The following RSL24D1 variants were observed in gnomAD, a reference collection of about 807,000 sequenced individuals.
RSL24D1 encodes ribosomal L24 domain containing 1.
RSL24D1 carries 6 observed loss-of-function variants against 26.2 expected under a neutral mutation model. The observed-to-expected ratio is 0.23, with a 90% confidence interval of 0.13 to 0.45. The LOEUF (loss-of-function observed/expected upper bound fraction) is 0.45. Among genes scored for constraint, RSL24D1 ranks in the 20% least tolerant of loss-of-function variants. The pLI is 0.99. For missense variants in RSL24D1, 176 were observed against 202.6 expected, an observed-to-expected ratio of 0.87 and a Z score of 0.80; for synonymous variants, 61 against 59.1, an observed-to-expected ratio of 1.03 and a Z score of -0.15.
At chr15:55,189,485 A>G (rs961816583) in intron 3 of RSL24D1, among the ~76,000 whole-genome samples, 3 of 152,206 alleles carry the variant, frequency 2.0e-5, no homozygotes, top group African/African-American at 7.2e-5. Context: ...GGCAATTCCA[A>G]ATCTAAACTC....
chr15:55,182,784 C>T (rs1277723562), intron 5 of RSL24D1, among the ~76,000 whole-genome samples: 1 of 152,126 alleles, frequency 6.6e-6, no homozygotes, highest in Non-Finnish European at 1.5e-5. Flanking sequence ...CAGAATTTGA[C>T]CTTTACTAAG....
intron 4 of RSL24D1, 85 bp downstream of exon 4, chr15:55,185,276 TA>T (rs201057968): frequency 4.9e-6 from 5 of 1,012,156 alleles, no homozygotes; most frequent in Non-Finnish European, 5.7e-6. Flanking sequence ...TATGTCAAAA[TA>T]AAAAATTTTT....
At chr15:55,183,574 C>G (rs1894193120) in intron 4 of RSL24D1, among the ~76,000 whole-genome samples, 174 bp from the exon 5 acceptor site, 1 of 152,166 alleles carries the variant, frequency 6.6e-6, no homozygotes, top group Non-Finnish European at 1.5e-5. Context: ...CAACGCCCCC[C>G]ATCCAGCAGG....
At chr15:55,196,020 G>A (rs1465200362) in intron 1 of RSL24D1, among the ~76,000 whole-genome samples, 1 of 152,172 alleles carries the variant, frequency 6.6e-6, no homozygotes, top group African/African-American at 2.4e-5. Context: ...GAAACAATGT[G>A]TTTCTCTGAG....
intron 1 of RSL24D1, among the ~76,000 whole-genome samples, chr15:55,196,077 T>G (rs1209313378): frequency 1.3e-5 from 2 of 152,218 alleles, no homozygotes; most frequent in East Asian, 3.9e-4. Context: ...CAAATTCATG[T>G]ACCATTCAAA....
At chr15:55,187,581 A>T (rs574131306) in intron 3 of RSL24D1, among the ~76,000 whole-genome samples, 3 of 152,194 alleles carry the variant, frequency 2.0e-5, no homozygotes, top group Non-Finnish European at 4.4e-5. Flanking sequence ...GGAATGAAAT[A>T]ATGTCTTTTA....
rs1894165909 is a variant in RSL24D1 at position 55,181,484 on chromosome 15, G to A, written c.*668C>T. 1 of 152,574 alleles carries A rather than the reference G, an allele frequency of 6.6e-6. No homozygotes were observed. The highest frequency in any genetic ancestry group is 1.5e-5 in the Non-Finnish European group (1 of 68,040). The allele number at this position is 152,574 out of a possible 1,614,324, so 9.5% of individuals were successfully genotyped here. On this transcript the variant is annotated 3_prime_UTR_variant, in exon 6 of 6. Transcript: ENST00000260443. ...ATGCTGGGCTAGAAAAGTAAAGTCT[G>A]TTCTATCAGGAATCACAAGTTGGAA...
At chr15:55,185,335 A>C in intron 4 of RSL24D1, 27 bp downstream of exon 4, 2 of 1,543,472 alleles carry the variant, frequency 1.3e-6, no homozygotes, top group Non-Finnish European at 1.7e-6. Flanking sequence ...TTATTTTCCA[A>C]AAGTTACTCC....
intron 5 of RSL24D1, 46 bp from the exon 6 acceptor site, chr15:55,182,271 C>T: frequency 8.3e-7 from 1 of 1,206,416 alleles, no homozygotes; most frequent in South Asian, 1.2e-5. Context: ...TTAAATGTGA[C>T]CTTACAGAAT....
intron 1 of RSL24D1, among the ~76,000 whole-genome samples, chr15:55,195,793 G>C (rs1288475466): frequency 2.0e-5 from 3 of 152,066 alleles, no homozygotes; most frequent in Non-Finnish European, 4.4e-5. Flanking sequence ...GAATCCCTTG[G>C]ATCTAATTAA....
chr15:55,195,621 A>G (rs890986600), intron 1 of RSL24D1: 5 of 152,242 alleles, frequency 3.3e-5, no homozygotes, highest in Admixed American at 6.5e-5. Context: ...TCGTAACGAC[A>G]TCATGTATAA....
intron 3 of RSL24D1, among the ~76,000 whole-genome samples, chr15:55,188,070 T>C (rs1376039938): frequency 6.6e-6 from 1 of 152,234 alleles, no homozygotes; most frequent in Non-Finnish European, 1.5e-5. Context: ...CATCAGTACC[T>C]TAACAAAGGT....
At chr15:55,191,865 C>T (rs189363484) in intron 2 of RSL24D1, among the ~76,000 whole-genome samples, 224 of 152,286 alleles carry the variant, frequency 1.5e-3, no homozygotes, top group African/African-American at 5.1e-3. Context: ...TGACTGTGAC[C>T]GGCAGTGTTT....
At chr15:55,184,283 A>G (rs967287683) in intron 4 of RSL24D1, among the ~76,000 whole-genome samples, 2 of 152,236 alleles carry the variant, frequency 1.3e-5, no homozygotes, top group African/African-American at 4.8e-5. Context: ...TCAAAATGAC[A>G]TGACAGTCTG....
At chr15:55,196,221 C>T (rs1030978830) in intron 1 of RSL24D1, 38 of 420,700 alleles carry the variant, frequency 9.0e-5, no homozygotes, top group African/African-American at 7.6e-4. Flanking sequence ...GCTCCGTTCT[C>T]TGCCTTTTCT....
chr15:55,181,109 AT>A lies in RSL24D1; in HGVS notation c.*1042del, dbSNP rs1261612298. ...TAAACTCTACCCTAAAAAAACCATT[AT>A]GCAAACTGATCGTTACTTAATGTAT... is the stretch of plus-strand genomic sequence containing the variant. On this transcript the variant is annotated 3_prime_UTR_variant, in exon 6 of 6. Transcript: ENST00000260443. 1 of 152,196 alleles carries A rather than the reference AT, an allele frequency of 6.6e-6. No homozygotes were observed. Among genetic ancestry groups the A allele is most frequent in the African/African-American group, 2.4e-5 (1 of 41,444 alleles). 9.4% of individuals were successfully genotyped at this position (152,196 alleles called of 1,614,324 possible).
At chr15:55,185,133 C>CT (rs1252148080) in intron 4 of RSL24D1, among the ~76,000 whole-genome samples, 1 of 152,106 alleles carries the variant, frequency 6.6e-6, no homozygotes, top group Non-Finnish European at 1.5e-5. Flanking sequence ...GTTACACACA[C>CT]TTAAGTATAC....
rs1566885324 is a variant in RSL24D1, at chr15:55,182,090, G to T, written c.*62C>A. 1 of 943,488 alleles carries T rather than the reference G, an allele frequency of 1.1e-6. No homozygotes were observed. The highest frequency in any genetic ancestry group is 1.7e-6 in the Non-Finnish European group (1 of 594,662). The allele number at this position is 943,488 out of a possible 1,614,324, so 58.4% of individuals were successfully genotyped here. On this transcript the variant is annotated 3_prime_UTR_variant, in exon 6 of 6. Coordinates refer to ENST00000260443, the MANE Select transcript of RSL24D1 (RefSeq NM_016304.3). Reference sequence around the variant, plus strand: ...CTTATGTAAAAAATAAAATAATTTAGCAGTTCCAAGTATCCAAAGGGCATT... The same window carrying T: ...CTTATGTAAAAAATAAAATAATTTATCAGTTCCAAGTATCCAAAGGGCATT...
chr15:55,182,112 C>T lies in RSL24D1; in HGVS notation c.*40G>A, dbSNP rs1894173930. On this transcript the variant is annotated 3_prime_UTR_variant, in exon 6 of 6. Transcript: ENST00000260443. ...TTAGCAGTTCCAAGTATCCAAAGGG[C>T]ATTTTCAAATGTACATAAAAGAAAT... 8.2e-7 allele frequency: 1 copy of T among 1,223,168 alleles called. No homozygotes were observed. The highest frequency in any genetic ancestry group is 1.2e-6 in the Non-Finnish European group (1 of 834,302). 75.8% of individuals were successfully genotyped at this position (1,223,168 alleles called of 1,614,324 possible).
Sources: gnomAD v4.1 joint callset for allele counts (sites outside exome capture counted in the v4.1 genomes callset) on GRCh38, gnomAD v4.1.1 for gene constraint, MANE v1.5 for transcripts, NCBI Gene and HGNC (gene_info 2026-07-23, HGNC 2026-07-21) for gene names.